PCM1: variants seen among roughly 807,000 people sequenced by gnomAD.
The protein encoded by PCM1 is pericentriolar material 1.
Under a neutral mutation model 241.9 loss-of-function variants are expected in PCM1, and 157 were observed. The ratio of observed to expected loss-of-function variants is 0.65; its 90% CI spans 0.57 to 0.74. The LOEUF is 0.74. PCM1 is among the 30% of genes least tolerant of loss of function. The pLI is 0.00. For missense variants in PCM1, 3,478 were observed against 2,360.1 expected (o/e 1.47, Z -9.81); for synonymous variants, 1,085 against 784.9 (o/e 1.38, Z -6.39).
At position 17,962,053 on chromosome 8, in the gene PCM1, G is replaced by T. The variant is rs774956041; in HGVS notation, c.2342G>T (p.Gly781Val). Residue 781 changes from glycine to valine, a missense_variant, in exon 16 of 39, where the codon GGT (glycine) becomes GTT (valine). Transcript: ENST00000325083. ...PDLQLSAASV[G>V]NCPTKKYMPA... ...TTTTAGCTGTCAGCTGCTAGTGTGG[G>T]TAACTGTCCCACCAAAAAATATATG... The T allele has an allele frequency of 8.1e-6, 13 of 1,610,748 alleles. No homozygotes were observed. The highest frequency in any genetic ancestry group is 1.1e-5 in the Non-Finnish European group (13 of 1,178,134).
At chr8:17,998,720 A>G (rs78131891) in intron 29 of PCM1, among the ~76,000 whole-genome samples, 2,232 of 152,278 alleles carry the variant, frequency 0.015, 50 homozygotes, top group African/African-American at 0.051. Flanking sequence ...GGTTCCTACT[A>G]TTAGCAGGTG....
intron 1 of PCM1, among the ~76,000 whole-genome samples, chr8:17,923,757 G>T (rs2055605050): frequency 6.6e-6 from 1 of 152,060 alleles, no homozygotes; most frequent in Admixed American, 6.5e-5. Context: ...ATGGGCCGGG[G>T]GAGGCGTTCC....
intron 29 of PCM1, among the ~76,000 whole-genome samples, chr8:17,996,015 A>G (rs990092997): frequency 7.2e-5 from 11 of 152,248 alleles, no homozygotes; most frequent in African/African-American, 2.6e-4. Context: ...TCCAGTTTGG[A>G]TCCCCTCTAT....
chr8:18,002,739 G>A (rs2129483516), intron 29 of PCM1, among the ~76,000 whole-genome samples: 1 of 118,972 alleles, frequency 8.4e-6, no homozygotes, highest in Admixed American at 7.8e-5. Flanking sequence ...AGCACCTGTT[G>A]TTTCCTGACT....
At chr8:17,941,151 T>C (rs896821305) in intron 6 of PCM1, among the ~76,000 whole-genome samples, 3 of 152,172 alleles carry the variant, frequency 2.0e-5, no homozygotes, top group Non-Finnish European at 2.9e-5. Flanking sequence ...GATTTTACTG[T>C]GGGGAAATTC....
At chr8:17,937,456 A>G in intron 4 of PCM1, 77 bp downstream of exon 4, 2 of 1,304,392 alleles carry the variant, frequency 1.5e-6, no homozygotes, top group Non-Finnish European at 2.1e-6. Flanking sequence ...TGTCTTAGGA[A>G]TAAAAAATTG....
chr8:18,010,589 G>C lies in PCM1; in HGVS notation c.5161-20G>C. 1 of 1,564,652 alleles carries C rather than the reference G, an allele frequency of 6.4e-7. No homozygotes were observed. The highest frequency in any genetic ancestry group is 8.7e-7 in the Non-Finnish European group (1 of 1,150,404). On this transcript the variant is annotated intron_variant, in intron 31 of 38. Transcript: ENST00000325083. Reference sequence around the variant, plus strand: ...ATCTAAGTATGTTGCTAAATTCTGTGTAATTGATTTGTTTTAAAGGCTAAA... The same window carrying C: ...ATCTAAGTATGTTGCTAAATTCTGTCTAATTGATTTGTTTTAAAGGCTAAA...
At chr8:17,957,092 G>A (rs1182583251) in intron 11 of PCM1, among the ~76,000 whole-genome samples, 172 bp from the exon 12 acceptor site, 1 of 152,084 alleles carries the variant, frequency 6.6e-6, no homozygotes, top group African/African-American at 2.4e-5. Context: ...TACTTAAATA[G>A]CACATATGCA....
Position 17,972,438 on chromosome 8 carries a change from G to C in PCM1, c.3694G>C (p.Val1232Leu). 1.9e-6 allele frequency: 3 copies of C among 1,613,150 alleles called. No individual in the cohort carries two copies. The highest frequency in any genetic ancestry group is 2.5e-6 in the Non-Finnish European group (3 of 1,179,478). Residue 1232 changes from valine to leucine, a missense_variant, in exon 23 of 39, where the codon GTA becomes CTA. By Grantham distance (32) the Val-to-Leu change is conservative. Coordinates refer to ENST00000325083, the MANE Select transcript of PCM1 (RefSeq NM_006197.4). ...TATCAAGACTGGATTTTCAGTGTCT[G>C]TAGAAAAATCTACAAGTAGTAACCG... ...PFIKTGFSVS[V>L]EKSTSSNRKN...
chr8:17,957,553 T>TA lies in PCM1; in HGVS notation c.1819dup (p.Arg607LysfsTer13). 1 of 1,580,834 alleles carries TA rather than the reference T, an allele frequency of 6.3e-7. No homozygotes were observed. The highest frequency in any genetic ancestry group is 8.6e-7 in the Non-Finnish European group (1 of 1,161,498). On this transcript the variant is annotated frameshift_variant, in exon 13 of 39. Transcript: ENST00000325083. LOFTEE classifies it high-confidence loss of function. Reference sequence around the variant, plus strand: ...TGTTTTCAGCAGATTGTCGATATAATAGAGAAGGGGAACAGGAGATTCATG... The same window carrying TA: ...TGTTTTCAGCAGATTGTCGATATAATAAGAGAAGGGGAACAGGAGATTCATG...
chr8:17,977,999 C>G (rs867070997), intron 23 of PCM1, among the ~76,000 whole-genome samples: 4 of 152,070 alleles, frequency 2.6e-5, no homozygotes, highest in Middle Eastern at 6.8e-3. Flanking sequence ...GAGGCAAAAC[C>G]TAGTGAAAAT....
intron 26 of PCM1, among the ~76,000 whole-genome samples, chr8:17,987,260 A>G (rs1047024727): frequency 8.6e-5 from 13 of 151,910 alleles, no homozygotes; most frequent in African/African-American, 2.7e-4. Context: ...ACCTGCTTGA[A>G]TACATTAAAA....
chr8:17,929,374 C>G (rs1247466559), intron 2 of PCM1, among the ~76,000 whole-genome samples: 1 of 152,152 alleles, frequency 6.6e-6, no homozygotes, highest in African/African-American at 2.4e-5. Context: ...CTGGTCTTCT[C>G]TTACTCTTTA....
At chr8:18,010,585 C>A (rs747243495) in intron 31 of PCM1, 24 bp from the exon 32 acceptor site, 16 of 1,557,336 alleles carry the variant, frequency 1.0e-5, no homozygotes, top group Non-Finnish European at 1.4e-5. Flanking sequence ...TTGCTAAATT[C>A]TGTGTAATTG....
chr8:17,978,191 G>A (rs1186481437), intron 23 of PCM1, among the ~76,000 whole-genome samples: 1 of 152,060 alleles, frequency 6.6e-6, no homozygotes, highest in Non-Finnish European at 1.5e-5. Context: ...TAGAAAATCA[G>A]GGGGAAGAAT....
At chr8:17,923,503 C>CCG (rs1563526483) in intron 1 of PCM1, among the ~76,000 whole-genome samples, 3 of 152,038 alleles carry the variant, frequency 2.0e-5, no homozygotes, top group African/African-American at 7.2e-5. Flanking sequence ...GTGGCTCCGG[C>CCG]TATACCCCTT....
At chr8:18,004,402 A>T (rs920862747) in intron 29 of PCM1, among the ~76,000 whole-genome samples, 2 of 152,222 alleles carry the variant, frequency 1.3e-5, no homozygotes, top group East Asian at 3.8e-4. Flanking sequence ...CGCTACTAGC[A>T]TATCTAGAGT....
At chr8:17,982,923 T>G (rs1393476496) in intron 24 of PCM1, among the ~76,000 whole-genome samples, 1 of 152,224 alleles carries the variant, frequency 6.6e-6, no homozygotes, top group Non-Finnish European at 1.5e-5. Context: ...CTGCTAGTAT[T>G]AAATTACGCA....
chr8:17,990,001 C>A, intron 27 of PCM1, 22 bp downstream of exon 27: 1 of 1,497,346 alleles, frequency 6.7e-7, no homozygotes, highest in Non-Finnish European at 8.9e-7. Context: ...TGTTTATAAT[C>A]TTAGAAACAA....
Sources: gnomAD v4.1 joint callset for allele counts (sites outside exome capture counted in the v4.1 genomes callset) on GRCh38, gnomAD v4.1.1 for gene constraint, MANE v1.5 for transcripts, NCBI Gene and HGNC (gene_info 2026-07-23, HGNC 2026-07-21) for gene names.